Variants in CYP2J2 observed in about 807,000 individuals in gnomAD.
The protein encoded by CYP2J2 is cytochrome P450 family 2 subfamily J member 2.
In CYP2J2, 41 loss-of-function variants were observed where a neutral mutation model predicts 48.8. The observed-to-expected ratio is 0.84, with a 90% CI of 0.66 to 1.09. CYP2J2 has a LOEUF of 1.09. Ranked by LOEUF, CYP2J2 falls within the 50% of genes least tolerant of loss-of-function variation. CYP2J2 has a pLI of 0.00. For synonymous variants in CYP2J2, 221 were observed against 227.1 expected (o/e 0.97, Z 0.24); for missense variants, 644 against 617.3 (o/e 1.04, Z -0.46).
intron 1 of CYP2J2, among the ~76,000 whole-genome samples, chr1:59,919,380 A>T (rs1644493200): frequency 6.6e-6 from 1 of 152,244 alleles, no homozygotes; most frequent in African/African-American, 2.4e-5. Flanking sequence ...ATCTGGAAAG[A>T]TATCCACCAA....
chr1:59,900,873 C>T (rs1371381410), intron 8 of CYP2J2, 92 bp downstream of exon 8: 10 of 1,431,000 alleles, frequency 7.0e-6, no homozygotes, highest in Non-Finnish European at 9.7e-6. Flanking sequence ...TGTCTGGAGA[C>T]ATTCCAATGA....
chr1:59,916,491 TG>T (rs1209775035), intron 1 of CYP2J2, among the ~76,000 whole-genome samples: 1 of 152,166 alleles, frequency 6.6e-6, no homozygotes, highest in African/African-American at 2.4e-5. Context: ...CCCAACACGT[TG>T]GGGGGCCGAG....
At chr1:59,966,232 T>C in the CYP2J2 span, among the ~76,000 whole-genome samples, 2 of 152,208 alleles carry the variant, frequency 1.3e-5, no homozygotes, top group Non-Finnish European at 2.9e-5. Flanking sequence ...ACTTTTCATG[T>C]TAACTAAACT....
upstream of CYP2J2, among the ~76,000 whole-genome samples, chr1:59,927,754 G>C (rs1434119193): frequency 6.6e-6 from 1 of 151,976 alleles, no homozygotes; most frequent in African/African-American, 2.4e-5. Flanking sequence ...TGTATTTTTG[G>C]TACAGATGGG....
intron 8 of CYP2J2, among the ~76,000 whole-genome samples, chr1:59,900,441 T>A (rs1304040360): frequency 6.6e-6 from 1 of 152,216 alleles, no homozygotes; most frequent in Non-Finnish European, 1.5e-5. Context: ...GAGACCAGCC[T>A]GGCCAACATG....
At chr1:59,901,210 G>T in intron 7 of CYP2J2, 107 bp from the exon 8 acceptor site, 2 of 1,155,986 alleles carry the variant, frequency 1.7e-6, no homozygotes, top group Non-Finnish European at 2.5e-6. Context: ...TGAACATACT[G>T]CCCCACCCTC....
At chr1:59,906,612 A>C (rs1162671344) in intron 6 of CYP2J2, among the ~76,000 whole-genome samples, 1 of 152,162 alleles carries the variant, frequency 6.6e-6, no homozygotes, top group Non-Finnish European at 1.5e-5. Context: ...CACTCTCCAG[A>C]ACTTTTTCAT....
chr1:59,919,820 G>T (rs1644498250), intron 1 of CYP2J2, among the ~76,000 whole-genome samples: 1 of 152,172 alleles, frequency 6.6e-6, no homozygotes, highest in Non-Finnish European at 1.5e-5. Context: ...GGGCTGCGCT[G>T]GTTTCTGAGA....
chr1:59,968,357 G>A, the CYP2J2 span, among the ~76,000 whole-genome samples: 1 of 151,742 alleles, frequency 6.6e-6, no homozygotes, highest in South Asian at 2.1e-4. Context: ...TGCTTTTTCT[G>A]TCTTGCCTCC....
chr1:59,952,478 G>A, the CYP2J2 span, among the ~76,000 whole-genome samples: 1 of 152,100 alleles, frequency 6.6e-6, no homozygotes, highest in Non-Finnish European at 1.5e-5. Flanking sequence ...ACAACATACA[G>A]AATGCCAGGT....
At chr1:59,966,111 T>C in the CYP2J2 span, among the ~76,000 whole-genome samples, 1 of 152,230 alleles carries the variant, frequency 6.6e-6, no homozygotes, top group African/African-American at 2.4e-5. Context: ...CCTTCACATT[T>C]ATCATAGATC....
At chr1:59,935,029 T>TATATACACAC in the CYP2J2 span, among the ~76,000 whole-genome samples, 1 of 100,918 alleles carries the variant, frequency 9.9e-6, no homozygotes, top group African/African-American at 4.0e-5. Context: ...TATATATATA[T>TATATACACAC]ATATATATAT....
At chr1:59,923,477 G>C (rs1451402109) in intron 1 of CYP2J2, among the ~76,000 whole-genome samples, 1 of 152,182 alleles carries the variant, frequency 6.6e-6, no homozygotes. Context: ...CACCAACAGT[G>C]AGATGACACA....
At chr1:59,947,109 C>G in the CYP2J2 span, among the ~76,000 whole-genome samples, 26 of 152,290 alleles carry the variant, frequency 1.7e-4, no homozygotes, top group Admixed American at 1.7e-3. Context: ...GCTGTTCTCT[C>G]TAGCTACTTT....
rs763952565 is a variant in CYP2J2 at position 59,915,949 on chromosome 1, A to G, written c.362T>C (p.Phe121Ser). 1.2e-6 allele frequency: 2 copies of G among 1,611,716 alleles called. No individual in the cohort carries two copies. Among genetic ancestry groups the G allele is most frequent in the South Asian group, 2.2e-5 (2 of 90,490 alleles). The change falls in exon 2 of 9, where the codon TTT (phenylalanine) becomes TCT (serine). Residue 121 changes from phenylalanine (F) to serine (S), a missense_variant. Transcript: ENST00000371204. ...GCCAAGAAACTTACCATTTTTCTTA[A>G]AGATATGTTCTCGCATAGGGGTCAC... ...RPVTPMREHIFKKNGLIMSSG... is the reference protein window; with the variant it reads ...RPVTPMREHISKKNGLIMSSG...
intron 8 of CYP2J2, among the ~76,000 whole-genome samples, chr1:59,898,820 T>C (rs1384025748): frequency 6.6e-6 from 1 of 152,224 alleles, no homozygotes; most frequent in Non-Finnish European, 1.5e-5. Flanking sequence ...AACTGGGCTG[T>C]TGTAATGATT....
chr1:59,940,641 C>A, the CYP2J2 span, among the ~76,000 whole-genome samples: 1 of 152,084 alleles, frequency 6.6e-6, no homozygotes, highest in Non-Finnish European at 1.5e-5. Context: ...ATAATTATAT[C>A]AAAAAGATAC....
In CYP2J2 at chr1:59,916,989, C is replaced by G. The variant is rs368142392; in HGVS notation, c.211-889G>C. 9.9e-5 allele frequency among the ~76,000 whole-genome samples: 15 copies of G among 152,190 alleles called. No individual in the cohort carries two copies. In the East Asian group the frequency reaches 1.9e-3, roughly 20 times the overall value. Reference sequence around the variant, plus strand: ...TAATAGAAACGTATGCTAGATAATACGAGGTGCATTTTAGGGCAGGTGCCA... The same window carrying G: ...TAATAGAAACGTATGCTAGATAATAGGAGGTGCATTTTAGGGCAGGTGCCA... On this transcript the variant is annotated intron_variant, in intron 1 of 8. Transcript: ENST00000371204.
At chr1:59,896,672 C>T (rs1251613926) in intron 8 of CYP2J2, among the ~76,000 whole-genome samples, 2 of 152,068 alleles carry the variant, frequency 1.3e-5, no homozygotes, top group Non-Finnish European at 2.9e-5. Flanking sequence ...ACCTGGGCTA[C>T]ATTACCCCAC....
Sources: allele counts gnomAD v4.1 joint callset (sites outside exome capture counted in the v4.1 genomes callset), GRCh38; gene constraint gnomAD v4.1.1; transcripts MANE v1.5; gene names NCBI Gene and HGNC (gene_info 2026-07-23, HGNC 2026-07-21).